The following JAM2 variants were observed in gnomAD, a reference collection of about 807,000 sequenced individuals.
JAM2 encodes the protein junctional adhesion molecule B.
JAM2 carries 17 observed loss-of-function variants against 42.0 expected under a neutral mutation model. The observed-to-expected ratio is 0.40, with a 90% CI of 0.28 to 0.61. The LOEUF (loss-of-function observed/expected upper bound fraction) is 0.61. JAM2 is among the 20% of genes least tolerant of loss of function. JAM2 has a pLI of 0.37. For missense variants in JAM2, 319 were observed against 358.3 expected, an observed-to-expected ratio of 0.89 and a Z score of 0.89; for synonymous variants, 118 against 128.6, an observed-to-expected ratio of 0.92 and a Z score of 0.56.
At chr21:25,698,967 C>T in intron 5 of JAM2, 88 bp downstream of exon 5, 1 of 1,159,738 alleles carries the variant, frequency 8.6e-7, no homozygotes, top group South Asian at 1.3e-5. Context: ...TAATAGAGAG[C>T]TGATACCATT....
chr21:25,676,004 C>T (rs568311898), intron 1 of JAM2, among the ~76,000 whole-genome samples: 11 of 152,020 alleles, frequency 7.2e-5, no homozygotes, highest in South Asian at 2.1e-4. Context: ...CAAAAAACTT[C>T]AGGCCGGGTG....
chr21:25,696,060 G>C (rs2034017815), intron 4 of JAM2, among the ~76,000 whole-genome samples: 3 of 150,936 alleles, frequency 2.0e-5, no homozygotes, highest in Non-Finnish European at 3.0e-5. Flanking sequence ...AGGTTGTAGC[G>C]AGCCGAGATC....
intron 1 of JAM2, among the ~76,000 whole-genome samples, chr21:25,673,338 T>A (rs1246298907): frequency 8.5e-5 from 13 of 152,252 alleles, no homozygotes; most frequent in African/African-American, 2.9e-4. Flanking sequence ...TTTCCTGAAC[T>A]TAGTAATGCA....
At chr21:25,663,700 CAG>C (rs2033147698) in intron 1 of JAM2, among the ~76,000 whole-genome samples, 1 of 152,188 alleles carries the variant, frequency 6.6e-6, no homozygotes, top group South Asian at 2.1e-4. Context: ...AGGGACTCTT[CAG>C]AGAGTCCCCA....
chr21:25,685,059 T>A (rs996920731), intron 2 of JAM2, among the ~76,000 whole-genome samples: 5 of 152,154 alleles, frequency 3.3e-5, no homozygotes, highest in African/African-American at 1.2e-4. Context: ...ATCCTAAATG[T>A]CTGATCTCTC....
At chr21:25,685,524 C>CAAAAAAAAAAAAAAAAAAAAAAAA (rs776114627) in intron 2 of JAM2, among the ~76,000 whole-genome samples, 1 of 50,428 alleles carries the variant, frequency 2.0e-5, no homozygotes. Flanking sequence ...GAGAATGTCT[C>CAAAAAAAAAAAAAAAAAAAAAAAA]AAAAAAAAAA....
At chr21:25,699,517 T>G (rs1568915653) in intron 5 of JAM2, among the ~76,000 whole-genome samples, 1 of 151,854 alleles carries the variant, frequency 6.6e-6, no homozygotes, top group Non-Finnish European at 1.5e-5. Flanking sequence ...GGTCAGGAGA[T>G]CAAGACCATC....
At chr21:25,689,551 T>C (rs150502447) in intron 2 of JAM2, among the ~76,000 whole-genome samples, 51 of 152,354 alleles carry the variant, frequency 3.3e-4, no homozygotes, top group African/African-American at 1.2e-3. Context: ...AAGTCCTTAC[T>C]ATGTCCAAGC....
intron 1 of JAM2, among the ~76,000 whole-genome samples, chr21:25,683,440 A>G (rs2033682002): frequency 6.6e-6 from 1 of 152,184 alleles, no homozygotes; most frequent in South Asian, 2.1e-4. Flanking sequence ...AAGTATGTAA[A>G]ATGACTCATT....
At chr21:25,688,124 G>C (rs186542597) in intron 2 of JAM2, among the ~76,000 whole-genome samples, 6 of 152,332 alleles carry the variant, frequency 3.9e-5, no homozygotes, top group Admixed American at 2.0e-4. Flanking sequence ...CAGCGAGAGA[G>C]AGGCTGGAGT....
At chr21:25,702,637 G>A (rs2034190705) in intron 6 of JAM2, among the ~76,000 whole-genome samples, 1 of 152,190 alleles carries the variant, frequency 6.6e-6, no homozygotes, top group Non-Finnish European at 1.5e-5. Context: ...ATTCAGGAAT[G>A]TATATCATTG....
chr21:25,707,271 CA>C, intron 7 of JAM2, among the ~76,000 whole-genome samples: 1 of 152,066 alleles, frequency 6.6e-6, no homozygotes, highest in East Asian at 1.9e-4. Context: ...TACTTGAGGT[CA>C]GGAGTTCGAG....
intron 1 of JAM2, among the ~76,000 whole-genome samples, chr21:25,650,155 T>G (rs1190313842): frequency 6.6e-6 from 1 of 152,234 alleles, no homozygotes; most frequent in African/African-American, 2.4e-5. Flanking sequence ...ACCATTATAC[T>G]GGGAACTCAA....
rs1243065563 is a variant in JAM2, at chr21:25,678,889, G to A, written c.68-4994G>A. Among the ~76,000 whole-genome samples the A allele has an allele frequency of 3.3e-5, 5 of 152,264 alleles. 1 individual carries two copies. The highest frequency in any genetic ancestry group is 4.1e-4 in the South Asian group (2 of 4,824). On this transcript the variant is annotated intron_variant, in intron 1 of 9. Coordinates refer to ENST00000480456, the MANE Select transcript of JAM2 (RefSeq NM_021219.4). ...ATCATAGCTCACTGCAGCTTCAAACGCCTGTGCTCAAGTGATCCTCCTGCC... is the reference window on the plus strand; with the variant it reads ...ATCATAGCTCACTGCAGCTTCAAACACCTGTGCTCAAGTGATCCTCCTGCC...
chr21:25,689,023 T>G (rs919142179), intron 2 of JAM2, among the ~76,000 whole-genome samples: 4 of 151,778 alleles, frequency 2.6e-5, no homozygotes. Flanking sequence ...TTTTTTGTTT[T>G]TTTTTTTTTC....
chr21:25,673,832 A>G (rs2033417085), intron 1 of JAM2, among the ~76,000 whole-genome samples: 2 of 152,188 alleles, frequency 1.3e-5, no homozygotes, highest in South Asian at 4.1e-4. Context: ...CTCATCTTGA[A>G]TTGTAGCTCC....
chr21:25,702,693 G>A (rs4816261), intron 6 of JAM2, among the ~76,000 whole-genome samples: 21,866 of 152,064 alleles, frequency 0.14, 2,202 homozygotes, highest in African/African-American at 0.29. Context: ...TATAGTCAAC[G>A]TAGCACTTAT....
intron 5 of JAM2, among the ~76,000 whole-genome samples, chr21:25,699,603 G>A (rs900997616): frequency 8.6e-5 from 13 of 151,698 alleles, no homozygotes; most frequent in African/African-American, 3.1e-4. Context: ...GGCGCCTGTA[G>A]TCCCAGCTAC....
chr21:25,681,899 G>A (rs1601028862), intron 1 of JAM2, among the ~76,000 whole-genome samples: 1 of 152,084 alleles, frequency 6.6e-6, no homozygotes, highest in Admixed American at 6.5e-5. Flanking sequence ...GGAGAATGGC[G>A]TGAACCCGGG....
Sources: allele counts gnomAD v4.1 joint callset (sites outside exome capture counted in the v4.1 genomes callset), GRCh38; gene constraint gnomAD v4.1.1; transcripts MANE v1.5; gene names NCBI Gene and HGNC (gene_info 2026-07-23, HGNC 2026-07-21).